The following SSBP2 variants were observed in gnomAD, a reference collection of about 807,000 sequenced individuals.
SSBP2 encodes single stranded DNA binding protein 2.
A neutral mutation model predicts 61.8 loss-of-function variants in SSBP2; 17 were observed. That is an observed-to-expected ratio of 0.28 (90% CI 0.19 to 0.41). SSBP2 has a LOEUF of 0.41. Ranked by LOEUF, SSBP2 falls within the 10% of genes least tolerant of loss-of-function variation. The pLI is 1.00. For synonymous variants in SSBP2, 139 were observed against 141.3 expected (o/e 0.98, Z 0.12); for missense variants, 310 against 458.7 (o/e 0.68, Z 2.96).
At chr5:81,432,764 G>C (rs1302420433) in intron 15 of SSBP2, among the ~76,000 whole-genome samples, 1 of 122,010 alleles carries the variant, frequency 8.2e-6, no homozygotes, top group African/African-American at 3.5e-5. Context: ...AGGTGGGGGG[G>C]TCAGCCCCCG....
At chr5:81,561,181 T>C (rs767476811) in intron 4 of SSBP2, among the ~76,000 whole-genome samples, 6 of 152,208 alleles carry the variant, frequency 3.9e-5, no homozygotes, top group Non-Finnish European at 8.8e-5. Context: ...CCAAGAATGT[T>C]TCTTTTTTGT....
intron 6 of SSBP2, among the ~76,000 whole-genome samples, chr5:81,485,604 G>A (rs908260580): frequency 5.3e-5 from 8 of 152,024 alleles, no homozygotes; most frequent in Non-Finnish European, 1.0e-4. Flanking sequence ...AAAACATAAC[G>A]TCATTAGTTT....
intron 2 of SSBP2, among the ~76,000 whole-genome samples, chr5:81,644,277 T>C (rs1302680283): frequency 6.6e-6 from 1 of 152,216 alleles, no homozygotes; most frequent in Non-Finnish European, 1.5e-5. Flanking sequence ...CTATTTTTGT[T>C]TTTATTTTTT....
intron 15 of SSBP2, among the ~76,000 whole-genome samples, chr5:81,429,827 G>A (rs1762176585): frequency 6.6e-6 from 1 of 152,168 alleles, no homozygotes; most frequent in Non-Finnish European, 1.5e-5. Context: ...GAGATAGATA[G>A]ATGAGCTGGT....
intron 2 of SSBP2, among the ~76,000 whole-genome samples, chr5:81,639,192 G>C (rs1187963041): frequency 1.3e-5 from 2 of 152,120 alleles, no homozygotes; most frequent in Non-Finnish European, 2.9e-5. Flanking sequence ...GAGGGTGTGG[G>C]CAGAAGAAGA....
chr5:81,427,383 G>T (rs1762020926), intron 16 of SSBP2, among the ~76,000 whole-genome samples: 1 of 151,702 alleles, frequency 6.6e-6, no homozygotes, highest in Admixed American at 6.6e-5. Flanking sequence ...ATCATATATT[G>T]CCTGCAAGTA....
chr5:81,496,202 C>T (rs967218165), intron 5 of SSBP2, among the ~76,000 whole-genome samples: 2 of 151,408 alleles, frequency 1.3e-5, no homozygotes, highest in Non-Finnish European at 2.9e-5. Flanking sequence ...TTTTTTGAGA[C>T]GGAGTCTCAC....
At chr5:81,565,473 C>A (rs751570536) in intron 4 of SSBP2, among the ~76,000 whole-genome samples, 1 of 152,062 alleles carries the variant, frequency 6.6e-6, no homozygotes, top group Non-Finnish European at 1.5e-5. Context: ...GATTTTATGA[C>A]GTGCCAAAAC....
At chr5:81,622,201 G>A (rs575228135) in intron 3 of SSBP2, among the ~76,000 whole-genome samples, 2 of 151,832 alleles carry the variant, frequency 1.3e-5, no homozygotes, top group East Asian at 1.9e-4. Context: ...AAGCAGACTG[G>A]GGGGGAAAAA....
chr5:81,624,618 A>G (rs1234302086), intron 3 of SSBP2, among the ~76,000 whole-genome samples: 1 of 152,158 alleles, frequency 6.6e-6, no homozygotes, highest in East Asian at 1.9e-4. Context: ...TGACTGGTAT[A>G]ATACCATCCT....
intron 1 of SSBP2, among the ~76,000 whole-genome samples, chr5:81,663,562 A>G (rs75178145): frequency 0.032 from 4,808 of 152,300 alleles, 205 homozygotes; most frequent in African/African-American, 0.11. Flanking sequence ...CCAGTTCTAG[A>G]CAACATTTGA....
intron 3 of SSBP2, among the ~76,000 whole-genome samples, chr5:81,622,199 T>G (rs1331163065): frequency 6.6e-6 from 1 of 151,372 alleles, no homozygotes; most frequent in Non-Finnish European, 1.5e-5. Context: ...TGAAGCAGAC[T>G]GGGGGGGAAA....
At chr5:81,739,622 G>C (rs1302275872) in intron 1 of SSBP2, among the ~76,000 whole-genome samples, 1 of 152,186 alleles carries the variant, frequency 6.6e-6, no homozygotes, top group Non-Finnish European at 1.5e-5. Context: ...CTCAACAGAG[G>C]CTGACATATA....
chr5:81,637,556 C>G (rs1190999404), intron 2 of SSBP2, among the ~76,000 whole-genome samples: 1 of 152,144 alleles, frequency 6.6e-6, no homozygotes, highest in African/African-American at 2.4e-5. Flanking sequence ...GGGATATGGG[C>G]ATAAACTTTA....
chr5:81,431,617 A>G (rs1357611648), intron 15 of SSBP2, among the ~76,000 whole-genome samples: 3 of 151,400 alleles, frequency 2.0e-5, no homozygotes, highest in Non-Finnish European at 2.9e-5. Flanking sequence ...GAGACATGGT[A>G]TCTGTCACCT....
intron 1 of SSBP2, among the ~76,000 whole-genome samples, chr5:81,700,017 A>C (rs765306426): frequency 6.6e-6 from 1 of 151,884 alleles, no homozygotes; most frequent in Non-Finnish European, 1.5e-5. Flanking sequence ...AAATTTTTTT[A>C]ATATTTTTTT....
At chr5:81,478,778 T>C (rs1274597256) in intron 6 of SSBP2, among the ~76,000 whole-genome samples, 2 of 152,194 alleles carry the variant, frequency 1.3e-5, no homozygotes, top group African/African-American at 4.8e-5. Context: ...GCCAGATTCT[T>C]GCTTTTTTTA....
chr5:81,551,638 A>G (rs1772197230), intron 4 of SSBP2, among the ~76,000 whole-genome samples: 1 of 152,168 alleles, frequency 6.6e-6, no homozygotes, highest in Non-Finnish European at 1.5e-5. Flanking sequence ...AAGAAATGTA[A>G]CTGCATTTCT....
chr5:81,720,115 A>G (rs1280342472), intron 1 of SSBP2, among the ~76,000 whole-genome samples: 1 of 152,166 alleles, frequency 6.6e-6, no homozygotes, highest in East Asian at 1.9e-4. Context: ...AATAAAAAAT[A>G]TGGATGATAC....
Sources: gnomAD v4.1 joint callset for allele counts (sites outside exome capture counted in the v4.1 genomes callset) on GRCh38, gnomAD v4.1.1 for gene constraint, MANE v1.5 for transcripts, NCBI Gene and HGNC (gene_info 2026-07-23, HGNC 2026-07-21) for gene names.